Variants in ESCO1 observed in about 807,000 individuals in gnomAD.
ESCO1 encodes the protein N-acetyltransferase ESCO1.
Under a neutral mutation model 83.5 loss-of-function variants are expected in ESCO1, and 33 were observed. The observed-to-expected ratio is 0.40, with a 90% confidence interval of 0.30 to 0.53. The LOEUF is 0.53. ESCO1 is among the 20% of genes least tolerant of loss of function. The probability of loss-of-function intolerance (pLI) is 0.63; values close to 1 mark genes in which losing one functional copy is unlikely to be tolerated. For synonymous variants in ESCO1, 332 were observed against 324.3 expected (o/e 1.02, Z -0.25); for missense variants, 855 against 968.0 (o/e 0.88, Z 1.55).
chr18:21,536,577 T>G (rs1379603688), intron 9 of ESCO1, among the ~76,000 whole-genome samples: 4 of 134,346 alleles, frequency 3.0e-5, no homozygotes, highest in Admixed American at 1.7e-4. Flanking sequence ...GGTGACAGAG[T>G]GAGACTCCAT....
chr18:21,589,438 C>T (rs2146230049), intron 1 of ESCO1, among the ~76,000 whole-genome samples: 1 of 151,916 alleles, frequency 6.6e-6, no homozygotes, highest in East Asian at 1.9e-4. Flanking sequence ...ATTTATTGCC[C>T]TTAAATAGTC....
chr18:21,536,475 C>T (rs2037838595), intron 9 of ESCO1, among the ~76,000 whole-genome samples: 1 of 151,812 alleles, frequency 6.6e-6, no homozygotes, highest in South Asian at 2.1e-4. Context: ...CCTGTAATCC[C>T]AGCTACTCTG....
At chr18:21,596,984 G>A (rs77111919) in intron 1 of ESCO1, 1 of 152,060 alleles carries the variant, frequency 6.6e-6, no homozygotes, top group Non-Finnish European at 1.5e-5. Context: ...ATGTGATATG[G>A]GGACTCTCAG....
chr18:21,583,827 C>T (rs893413123), intron 2 of ESCO1, among the ~76,000 whole-genome samples: 5 of 151,970 alleles, frequency 3.3e-5, no homozygotes, highest in Non-Finnish European at 2.9e-5. Flanking sequence ...CAAAAGCTAC[C>T]AAATTGTAAT....
At chr18:21,539,017 T>C (rs2037871180) in intron 9 of ESCO1, among the ~76,000 whole-genome samples, 1 of 152,012 alleles carries the variant, frequency 6.6e-6, no homozygotes, top group African/African-American at 2.4e-5. Context: ...CAATAAACTC[T>C]CTGAACACTT....
At chr18:21,540,547 C>G in intron 8 of ESCO1, 6 of 1,292,390 alleles carry the variant, frequency 4.6e-6, no homozygotes, top group Non-Finnish European at 6.0e-6. Context: ...ACCAAAGCCA[C>G]AAGAAGGAGA....
At chr18:21,593,549 A>T (rs2038713976) in intron 1 of ESCO1, 1 of 114,430 alleles carries the variant, frequency 8.7e-6, no homozygotes, top group Non-Finnish European at 1.8e-5. Flanking sequence ...AGTACAGTCC[A>T]GCTTCGGCTC....
intron 7 of ESCO1, among the ~76,000 whole-genome samples, chr18:21,563,611 G>A (rs2146200937): frequency 6.6e-6 from 1 of 152,302 alleles, no homozygotes; most frequent in South Asian, 2.1e-4. Flanking sequence ...GCCTCCCAAA[G>A]TGCTGGGATT....
chr18:21,551,236 C>T (rs896187957), intron 8 of ESCO1, among the ~76,000 whole-genome samples: 11 of 151,966 alleles, frequency 7.2e-5, no homozygotes, highest in African/African-American at 1.9e-4. Context: ...TTTGGGAGGC[C>T]GAGGCGGACA....
At chr18:21,567,654 G>C (rs1358090355) in intron 5 of ESCO1, among the ~76,000 whole-genome samples, 2 of 152,082 alleles carry the variant, frequency 1.3e-5, no homozygotes, top group Non-Finnish European at 2.9e-5. Flanking sequence ...AAATAATAAA[G>C]TACTTAAGAA....
rs1184655792 is a variant in ESCO1 at position 21,573,344 on chromosome 18, C to T, written c.1500G>A (p.Met500Ile). The T allele has an allele frequency of 3.2e-6, 5 of 1,581,526 alleles. No individual in the cohort carries two copies. ...KPSDPPLDNQ[M>I]KHSFDSASNK... ...TTGATGCTGAATCAAAAGAATGTTT[C>T]ATCTGATTATCCAATGGTGGGTCAG... Residue 500 changes from methionine to isoleucine, a missense_variant, in exon 4 of 12, where the codon ATG becomes ATA. Met to Ile is a conservative substitution (Grantham distance 10). Coordinates refer to ENST00000269214, the MANE Select transcript of ESCO1 (RefSeq NM_052911.3).
chr18:21,583,735 G>A (rs1222969564), intron 2 of ESCO1, among the ~76,000 whole-genome samples: 1 of 152,190 alleles, frequency 6.6e-6, no homozygotes, highest in Non-Finnish European at 1.5e-5. Context: ...GAAGAGTGGA[G>A]AGAGGGAGAT....
At chr18:21,571,100 G>A (rs1419544501) in intron 4 of ESCO1, among the ~76,000 whole-genome samples, 1 of 151,996 alleles carries the variant, frequency 6.6e-6, no homozygotes, top group Non-Finnish European at 1.5e-5. Context: ...AGACATATGA[G>A]AGTAATGTTC....
chr18:21,566,132 A>G lies in ESCO1; in HGVS notation c.1706+14T>C. On this transcript the variant is annotated intron_variant, in intron 6 of 11. Coordinates refer to ENST00000269214, the MANE Select transcript of ESCO1 (RefSeq NM_052911.3). ...TTAAAATCCTTAAGCTCTAAAATTT[A>G]ATTAATAGCTTACCTGTTATCACTG... 4 of 1,608,816 alleles carry G rather than the reference A, an allele frequency of 2.5e-6. No individual in the cohort carries two copies. The highest frequency in any genetic ancestry group is 2.5e-6 in the Non-Finnish European group (3 of 1,177,540).
At chr18:21,565,746 G>A (rs947715661) in intron 6 of ESCO1, among the ~76,000 whole-genome samples, 1 of 152,092 alleles carries the variant, frequency 6.6e-6, no homozygotes, top group Non-Finnish European at 1.5e-5. Flanking sequence ...AGACCAGCCT[G>A]AGCAGCATAG....
chr18:21,579,790 G>GCA (rs1189136936), intron 2 of ESCO1, among the ~76,000 whole-genome samples: 23 of 40,314 alleles, frequency 5.7e-4, no homozygotes, highest in African/African-American at 9.5e-4. Context: ...ACACACGCGC[G>GCA]CGCGCACACA....
intron 4 of ESCO1, among the ~76,000 whole-genome samples, chr18:21,572,133 G>A (rs576852273): frequency 6.6e-6 from 1 of 152,276 alleles, no homozygotes; most frequent in African/African-American, 2.4e-5. Flanking sequence ...AATGTTCAGA[G>A]TATGTTGTTT....
intron 7 of ESCO1, among the ~76,000 whole-genome samples, chr18:21,562,497 G>C (rs1375259101): frequency 6.6e-6 from 1 of 151,786 alleles, no homozygotes; most frequent in East Asian, 2.0e-4. Context: ...ACAATTAGCT[G>C]TGTGTGGTGA....
rs532912309 is a variant in ESCO1 at position 21,535,979 on chromosome 18, T to C, written c.2187+63A>G. The C allele has an allele frequency of 5.5e-5, 85 of 1,552,990 alleles. No individual in the cohort carries two copies. In the African/African-American group the frequency reaches 1.1e-3, roughly 21 times the overall value. ...ACAAATTTATCAGGATTTATGTTAT[T>C]TGGGATTACGTTGTAAACTCATTAA... is the stretch of plus-strand genomic sequence containing the variant. On this transcript the variant is annotated intron_variant, in intron 10 of 11. Coordinates refer to ENST00000269214, the MANE Select transcript of ESCO1 (RefSeq NM_052911.3).
Sources: allele counts gnomAD v4.1 joint callset (sites outside exome capture counted in the v4.1 genomes callset), GRCh38; gene constraint gnomAD v4.1.1; transcripts MANE v1.5; gene names NCBI Gene and HGNC (gene_info 2026-07-23, HGNC 2026-07-21).